TMEM35A: variants seen among roughly 807,000 people sequenced by gnomAD.
TMEM35A encodes transmembrane protein 35A.
For synonymous variants in TMEM35A, 50 were observed against 54.7 expected, an observed-to-expected ratio of 0.91 and a Z score of 0.38; for missense variants, 83 against 132.7, an observed-to-expected ratio of 0.63 and a Z score of 1.84.
intron 1 of TMEM35A, among the ~76,000 whole-genome samples, chrX:101,091,424 T>C (rs1207596706): frequency 1.7e-4 from 18 of 108,465 alleles, no homozygotes; most frequent in African/African-American, 5.7e-4. Flanking sequence ...TATCTCAGCC[T>C]CCCAAATAGC....
intron 1 of TMEM35A, among the ~76,000 whole-genome samples, chrX:101,092,883 A>C (rs2089328119): frequency 9.0e-6 from 1 of 111,244 alleles, no homozygotes; most frequent in African/African-American, 3.3e-5. Context: ...ATAAATAAAT[A>C]AAATAAAATA....
At position 101,091,781 on chromosome X, in the gene TMEM35A, A is replaced by G. The variant is rs757313349; in HGVS notation, c.121-2792A>G. Among the ~76,000 whole-genome samples the G allele has an allele frequency of 2.7e-5, 3 of 111,669 alleles. No homozygotes were observed. The East Asian group carries it at 8.4e-4, about 31-fold the overall frequency. On this transcript the variant is annotated intron_variant, in intron 1 of 1. Coordinates refer to ENST00000372930, the MANE Select transcript of TMEM35A (RefSeq NM_021637.3). The stretch of plus-strand genomic sequence containing the variant: ...TGCTGAACTGAAGTGGTATTTGGCC[A>G]TATTTGGTGTGTCAGGGTCTTTGCT...
intron 1 of TMEM35A, among the ~76,000 whole-genome samples, chrX:101,087,885 G>A (rs1187923141): frequency 2.7e-5 from 3 of 111,591 alleles, no homozygotes; most frequent in Non-Finnish European, 3.8e-5. Context: ...GGTGGCAAGC[G>A]CCTGTAGTCC....
At chrX:101,088,675 G>A (rs2089314443) in intron 1 of TMEM35A, among the ~76,000 whole-genome samples, 1 of 111,697 alleles carries the variant, frequency 9.0e-6, no homozygotes, top group South Asian at 3.7e-4. Context: ...GGAGACCGAG[G>A]CAGGTGGATC....
chrX:101,082,971 A>T (rs907164491), intron 1 of TMEM35A, among the ~76,000 whole-genome samples: 2 of 111,567 alleles, frequency 1.8e-5, no homozygotes, highest in Non-Finnish European at 3.8e-5. Context: ...GAAGAACAAG[A>T]TGCTATTTTC....
At chrX:101,085,992 T>C (rs1167592797) in intron 1 of TMEM35A, among the ~76,000 whole-genome samples, 2 of 112,049 alleles carry the variant, frequency 1.8e-5, no homozygotes, top group Admixed American at 9.5e-5. Context: ...AAAGGCTCCA[T>C]ATGCTTTTGA....
At chrX:101,079,273 G>A in intron 1 of TMEM35A, 151 bp downstream of exon 1, 1 of 676,775 alleles carries the variant, frequency 1.5e-6, no homozygotes, top group African/African-American at 2.2e-5. Context: ...CTCGGAAGGA[G>A]CAGCTGGGCA....
chrX:101,089,782 A>G (rs938639849), intron 1 of TMEM35A, among the ~76,000 whole-genome samples: 12 of 109,721 alleles, frequency 1.1e-4, no homozygotes, highest in Non-Finnish European at 2.1e-4. Flanking sequence ...AAGGCTAGAA[A>G]GTGGCAGAGC....
rs2089335174 is a variant in TMEM35A at position 101,095,084 on chromosome X, T to C, written c.*128T>C. 1.3e-6 allele frequency: 1 copy of C among 780,577 alleles called. No homozygotes were observed. The highest frequency in any genetic ancestry group is 1.8e-6 in the Non-Finnish European group (1 of 562,802). 64.3% of individuals were successfully genotyped at this position (780,577 alleles called of 1,213,427 possible). ...GTGAAAAATGTAATCTGCAAGTTAA[T>C]GACCCTATTGGCTTGTGTACATCTA... is the stretch of plus-strand genomic sequence containing the variant. On this transcript the variant is annotated 3_prime_UTR_variant, in exon 2 of 2. Coordinates refer to ENST00000372930, the MANE Select transcript of TMEM35A (RefSeq NM_021637.3).
chrX:101,083,660 T>A (rs2089298656), intron 1 of TMEM35A, among the ~76,000 whole-genome samples: 2 of 111,981 alleles, frequency 1.8e-5, no homozygotes, highest in African/African-American at 6.5e-5. Context: ...TACTGATGTT[T>A]AGACTGCTCT....
At chrX:101,089,606 G>T (rs902833167) in intron 1 of TMEM35A, among the ~76,000 whole-genome samples, 6 of 108,115 alleles carry the variant, frequency 5.5e-5, no homozygotes, top group African/African-American at 2.0e-4. Flanking sequence ...AATTAGCCGG[G>T]CATGATGGTG....
intron 1 of TMEM35A, among the ~76,000 whole-genome samples, chrX:101,079,689 G>C (rs1920947469): frequency 9.0e-6 from 1 of 111,588 alleles, no homozygotes; most frequent in South Asian, 3.8e-4. Context: ...AGCATTCTTG[G>C]CCCAAATAAA....
chrX:101,091,614 A>G (rs1207195320), intron 1 of TMEM35A, among the ~76,000 whole-genome samples: 1 of 112,104 alleles, frequency 8.9e-6, no homozygotes, highest in Non-Finnish European at 1.9e-5. Context: ...CTATTTCCAG[A>G]GGGAATTTCT....
chrX:101,087,198 C>T (rs1224785313), intron 1 of TMEM35A, among the ~76,000 whole-genome samples: 4 of 111,456 alleles, frequency 3.6e-5, no homozygotes, highest in East Asian at 2.8e-4. Flanking sequence ...TCAGGTGATC[C>T]GCCCGCCTCA....
chrX:101,084,693 C>T (rs1028402302), intron 1 of TMEM35A, among the ~76,000 whole-genome samples: 7 of 110,501 alleles, frequency 6.3e-5, no homozygotes, highest in African/African-American at 1.6e-4. Context: ...GGCAAAACCC[C>T]GTTTCTACTA....
In TMEM35A at chrX:101,079,020, C is replaced by T. The variant is rs1209408657; in HGVS notation, c.18C>T (p.Thr6=). The change falls in exon 1 of 2, where the codon ACC becomes ACT. Residue 6 remains threonine (T), a synonymous_variant. Coordinates refer to ENST00000372930, the MANE Select transcript of TMEM35A (RefSeq NM_021637.3). The part of the protein sequence containing the change: MASPR[T]VTIVALSVAL... Reference sequence around the variant, plus strand: ...GCGACCCCATGGCATCCCCCAGAACCGTAACTATTGTGGCCCTCTCAGTGG... The same window carrying T: ...GCGACCCCATGGCATCCCCCAGAACTGTAACTATTGTGGCCCTCTCAGTGG... 4 of 1,211,582 alleles carry T rather than the reference C, an allele frequency of 3.3e-6. No individual in the cohort carries two copies. In the Admixed American group the frequency reaches 6.5e-5, roughly 20 times the overall value.
At chrX:101,087,697 A>C (rs2089311513) in intron 1 of TMEM35A, among the ~76,000 whole-genome samples, 1 of 111,916 alleles carries the variant, frequency 8.9e-6, no homozygotes, top group African/African-American at 3.2e-5. Flanking sequence ...CTAGTCAAAA[A>C]AGAAGTGTTT....
At chrX:101,091,317 T>A (rs1404895262) in intron 1 of TMEM35A, among the ~76,000 whole-genome samples, 1 of 107,365 alleles carries the variant, frequency 9.3e-6, no homozygotes, top group Non-Finnish European at 1.9e-5. Flanking sequence ...TTTTTTTTTT[T>A]TTCCAGACAG....
At chrX:101,080,433 G>T (rs186637607) in intron 1 of TMEM35A, among the ~76,000 whole-genome samples, 1 of 111,684 alleles carries the variant, frequency 9.0e-6, no homozygotes, top group South Asian at 3.8e-4. Context: ...CTCACCGCAG[G>T]ATCACCCTAG....
Sources: gnomAD v4.1 joint callset for allele counts (sites outside exome capture counted in the v4.1 genomes callset) on GRCh38, gnomAD v4.1.1 for gene constraint, MANE v1.5 for transcripts, NCBI Gene and HGNC (gene_info 2026-07-23, HGNC 2026-07-21) for gene names.